Variants in RBMS3 observed in about 807,000 individuals in gnomAD.
RBMS3 encodes RNA binding motif single stranded interacting protein 3.
In RBMS3, 27 loss-of-function variants were observed where a neutral mutation model predicts 66.8. That is an observed-to-expected ratio of 0.40 (90% CI 0.30 to 0.56). The LOEUF (loss-of-function observed/expected upper bound fraction) is 0.56, where lower values mean the gene tolerates loss of function less well. Ranked by LOEUF, RBMS3 falls within the 20% of genes least tolerant of loss-of-function variation. The probability of loss-of-function intolerance (pLI) is 0.40; values close to 1 mark genes in which losing one functional copy is unlikely to be tolerated. For missense variants in RBMS3, 513 were observed against 549.5 expected, an observed-to-expected ratio of 0.93 and a Z score of 0.66; for synonymous variants, 188 against 183.0, an observed-to-expected ratio of 1.03 and a Z score of -0.22.
chr3:29,494,682 G>C (rs954757901), intron 3 of RBMS3, among the ~76,000 whole-genome samples: 1 of 152,146 alleles, frequency 6.6e-6, no homozygotes, highest in African/African-American at 2.4e-5. Context: ...AAATTAAAAA[G>C]TCAGGGAAAA....
rs528347271 is a variant in RBMS3 at position 29,359,655 on chromosome 3, A to T, written c.76-75088A>T. 1.3e-3 allele frequency among the ~76,000 whole-genome samples: 200 copies of T among 152,202 alleles called. 1 individual carries two copies. The highest frequency in any genetic ancestry group is 4.6e-3 in the African/African-American group (193 of 41,546). ...CCTTCTTGTACCTCTGGTAGAATTC[A>T]TCTGTGAATCCATCTGGTCCTGGAC... On this transcript the variant is annotated intron_variant, in intron 1 of 14. Coordinates refer to ENST00000383767, the MANE Select transcript of RBMS3 (RefSeq NM_001003793.3).
intron 1 of RBMS3, among the ~76,000 whole-genome samples, chr3:29,325,520 G>GTGTGTGTATGTATGTATATACA: frequency 6.6e-6 from 1 of 151,802 alleles, no homozygotes; most frequent in East Asian, 1.9e-4. Context: ...ATATATGTGT[G>GTGTGTGTATGTATGTATATACA]TGTGTGTATG....
chr3:29,804,838 AT>A lies in RBMS3; in HGVS notation c.637+41850del, dbSNP rs1421321201. ...GATTTTTTCTGATGTATAAATAAAG[AT>A]ACTAGTTGCTTTAAACGGTTTAATC... On this transcript the variant is annotated intron_variant, in intron 6 of 14. Transcript: ENST00000383767. 5.3e-5 allele frequency among the ~76,000 whole-genome samples: 8 copies of A among 152,114 alleles called. No homozygotes were observed. The East Asian group carries it at 1.5e-3, about 29-fold the overall frequency.
chr3:29,528,901 T>A (rs2045242881), intron 3 of RBMS3, among the ~76,000 whole-genome samples: 1 of 151,794 alleles, frequency 6.6e-6, no homozygotes, highest in African/African-American at 2.4e-5. Context: ...ACCCAGCTAA[T>A]TTTTTTTCTT....
chr3:29,783,645 A>C (rs753064362), intron 6 of RBMS3, among the ~76,000 whole-genome samples: 5 of 152,112 alleles, frequency 3.3e-5, no homozygotes, highest in Non-Finnish European at 7.4e-5. Context: ...CAATTAAAAA[A>C]AAGTATTTAG....
chr3:29,831,668 T>C (rs2058372705), intron 6 of RBMS3, among the ~76,000 whole-genome samples: 1 of 152,122 alleles, frequency 6.6e-6, no homozygotes, highest in Admixed American at 6.6e-5. Flanking sequence ...TCAAATACTT[T>C]TACCAAAGAA....
At chr3:29,372,482 A>G (rs1007150111) in intron 1 of RBMS3, among the ~76,000 whole-genome samples, 1 of 151,374 alleles carries the variant, frequency 6.6e-6, no homozygotes. Flanking sequence ...GTAAATAATA[A>G]AACAGAAATA....
At chr3:29,774,516 T>C (rs1368603144) in intron 6 of RBMS3, among the ~76,000 whole-genome samples, 1 of 152,048 alleles carries the variant, frequency 6.6e-6, no homozygotes, top group South Asian at 2.1e-4. Context: ...AAGAAAAATA[T>C]TGAAACTAAT....
chr3:29,670,101 C>T (rs1354067959), intron 4 of RBMS3, among the ~76,000 whole-genome samples: 1 of 152,124 alleles, frequency 6.6e-6, no homozygotes, highest in Admixed American at 6.5e-5. Context: ...TAGTCAAATA[C>T]TTTTCTACAC....
intron 4 of RBMS3, among the ~76,000 whole-genome samples, chr3:29,610,908 C>A (rs2048471443): frequency 6.6e-6 from 1 of 152,014 alleles, no homozygotes; most frequent in African/African-American, 2.4e-5. Flanking sequence ...GATCCCTGAC[C>A]TTTCTGCCTT....
At chr3:29,949,336 C>T (rs1695524904) in intron 12 of RBMS3, among the ~76,000 whole-genome samples, 1 of 151,672 alleles carries the variant, frequency 6.6e-6, no homozygotes, top group Non-Finnish European at 1.5e-5. Context: ...CAGTCTGTGT[C>T]ATAACTATTC....
chr3:29,884,470 C>CTCTCTCTA (rs1491200120), intron 8 of RBMS3, among the ~76,000 whole-genome samples: 1 of 70,500 alleles, frequency 1.4e-5, no homozygotes, highest in African/African-American at 4.9e-5. Context: ...CTCTCTCTCT[C>CTCTCTCTA]CCCCCCCGCT....
At chr3:29,389,130 A>G (rs2039158415) in intron 1 of RBMS3, among the ~76,000 whole-genome samples, 1 of 152,196 alleles carries the variant, frequency 6.6e-6, no homozygotes, top group South Asian at 2.1e-4. Context: ...CAAGCAAAAA[A>G]TAAAAGTGTA....
chr3:29,696,184 G>A (rs1203446616), intron 4 of RBMS3, among the ~76,000 whole-genome samples: 1 of 152,162 alleles, frequency 6.6e-6, no homozygotes, highest in African/African-American at 2.4e-5. Context: ...TGGCTTCCAA[G>A]CCCAGATCTG....
intron 4 of RBMS3, among the ~76,000 whole-genome samples, chr3:29,658,611 A>C (rs2050411199): frequency 6.6e-6 from 1 of 152,224 alleles, no homozygotes; most frequent in Non-Finnish European, 1.5e-5. Flanking sequence ...AATTTCCGTA[A>C]GTAAGCAAAA....
At chr3:29,386,323 T>C (rs1277756276) in intron 1 of RBMS3, among the ~76,000 whole-genome samples, 1 of 152,120 alleles carries the variant, frequency 6.6e-6, no homozygotes, top group African/African-American at 2.4e-5. Flanking sequence ...ATTTTGTACA[T>C]TTTCTCTCCT....
intron 4 of RBMS3, among the ~76,000 whole-genome samples, chr3:29,724,502 CAGTT>C (rs1198091933): frequency 6.6e-6 from 1 of 152,054 alleles, no homozygotes; most frequent in Non-Finnish European, 1.5e-5. Context: ...GTGTTAATAA[CAGTT>C]AGTGTCAGGG....
At chr3:29,429,276 G>A (rs144039827) in intron 1 of RBMS3, among the ~76,000 whole-genome samples, 106 of 152,250 alleles carry the variant, frequency 7.0e-4, no homozygotes, top group African/African-American at 2.5e-3. Flanking sequence ...ACAAACGGAT[G>A]CTACCTATAA....
intron 4 of RBMS3, among the ~76,000 whole-genome samples, chr3:29,639,940 G>C (rs578108591): frequency 6.6e-6 from 1 of 151,926 alleles, no homozygotes; most frequent in African/African-American, 2.4e-5. Flanking sequence ...AAAAAAGAAG[G>C]ATATCTGCTA....
Sources: gnomAD v4.1 joint callset for allele counts (sites outside exome capture counted in the v4.1 genomes callset) on GRCh38, gnomAD v4.1.1 for gene constraint, MANE v1.5 for transcripts, NCBI Gene and HGNC (gene_info 2026-07-23, HGNC 2026-07-21) for gene names.